Variants in HNF1B observed in about 807,000 individuals in gnomAD.
HNF1B encodes hepatocyte nuclear factor 1-beta.
A neutral mutation model predicts 61.7 loss-of-function variants in HNF1B; 8 were observed. The ratio of observed to expected loss-of-function variants is 0.13; its 90% CI spans 0.08 to 0.23. The LOEUF is 0.23. Among genes scored for constraint, HNF1B ranks in the 10% least tolerant of loss-of-function variants. The pLI is 1.00. For missense variants in HNF1B, 562 were observed against 714.5 expected (o/e 0.79, Z 2.43); for synonymous variants, 314 against 287.7 (o/e 1.09, Z -0.93).
At chr17:37,743,303 C>T (rs1293545083) in intron 1 of HNF1B, among the ~76,000 whole-genome samples, 1 of 152,254 alleles carries the variant, frequency 6.6e-6, no homozygotes, top group Non-Finnish European at 1.5e-5. Flanking sequence ...GCCTCCGCGA[C>T]TCACACCTTC....
intron 1 of HNF1B, among the ~76,000 whole-genome samples, chr17:37,740,857 G>A (rs1396447286): frequency 1.3e-5 from 2 of 152,112 alleles, no homozygotes; most frequent in East Asian, 3.8e-4. Flanking sequence ...AATTTTATTT[G>A]TCTAGAATGG....
chr17:37,721,334 G>C (rs1014667281), intron 4 of HNF1B, among the ~76,000 whole-genome samples: 1 of 152,186 alleles, frequency 6.6e-6, no homozygotes, highest in Non-Finnish European at 1.5e-5. Context: ...GAGTGAGGGA[G>C]AGAAGGAGAG....
In HNF1B at chr17:37,694,813, A is replaced by G. The variant is rs981466617; in HGVS notation, c.1653+4263T>C. ...AGAAGACATTTCTAAGCGGTAAAAC[A>G]TTCATGATGTGGCCTGGCTGCTTCT... On this transcript the variant is annotated intron_variant, in intron 8 of 8. Transcript: ENST00000617811. Among the ~76,000 whole-genome samples the G allele has an allele frequency of 7.2e-5, 11 of 152,186 alleles. No individual in the cohort carries two copies. In the East Asian group the frequency reaches 2.1e-3, roughly 29 times the overall value.
At chr17:37,700,923 A>G in intron 7 of HNF1B, 60 bp downstream of exon 7, 5 of 1,465,746 alleles carry the variant, frequency 3.4e-6, no homozygotes, top group Non-Finnish European at 4.6e-6. Context: ...CCAGAGAGGG[A>G]AAGTGGTTGG....
chr17:37,717,102 A>G (rs1462341464), intron 4 of HNF1B, among the ~76,000 whole-genome samples: 11 of 152,256 alleles, frequency 7.2e-5, no homozygotes, highest in African/African-American at 2.4e-4. Context: ...GAAATGAGGA[A>G]AGTGGGGATT....
chr17:37,738,880 G>T (rs190336900), intron 2 of HNF1B, among the ~76,000 whole-genome samples: 115 of 152,300 alleles, frequency 7.6e-4, no homozygotes, highest in Non-Finnish European at 1.3e-3. Context: ...TACCAGTGTT[G>T]GTAAATGTGG....
intron 4 of HNF1B, among the ~76,000 whole-genome samples, chr17:37,723,328 T>C (rs539327407): frequency 4.0e-5 from 6 of 151,158 alleles, no homozygotes; most frequent in East Asian, 2.0e-4. Flanking sequence ...GCCTGGGAGA[T>C]AGCGAGACTC....
chr17:37,742,666 C>T (rs2034030188), intron 1 of HNF1B, among the ~76,000 whole-genome samples: 1 of 152,096 alleles, frequency 6.6e-6, no homozygotes, highest in Admixed American at 6.5e-5. Context: ...AGTCCCTCTC[C>T]CTGCCCTGCT....
intron 6 of HNF1B, among the ~76,000 whole-genome samples, chr17:37,703,796 G>A (rs889229245): frequency 1.3e-5 from 2 of 152,290 alleles, no homozygotes; most frequent in Non-Finnish European, 2.9e-5. Context: ...ATAAATTTGT[G>A]TGCCTCCAAT....
intron 4 of HNF1B, among the ~76,000 whole-genome samples, chr17:37,713,931 T>C (rs1260744210): frequency 6.6e-6 from 1 of 152,210 alleles, no homozygotes; most frequent in Non-Finnish European, 1.5e-5. Context: ...GTGCTCTTGT[T>C]AGAGGAAGGA....
intron 3 of HNF1B, among the ~76,000 whole-genome samples, chr17:37,733,029 G>A (rs7405776): frequency 0.4 from 60,314 of 151,662 alleles, 12,591 homozygotes; most frequent in African/African-American, 0.51. Flanking sequence ...GGGGCAGAGT[G>A]GACTGAACAG....
At chr17:37,727,709 C>T (rs2147528741) in intron 4 of HNF1B, among the ~76,000 whole-genome samples, 1 of 152,276 alleles carries the variant, frequency 6.6e-6, no homozygotes, top group South Asian at 2.1e-4. Context: ...ACTAGGGTCA[C>T]ACCGTGGTCA....
chr17:37,727,675 C>T (rs1361275014), intron 4 of HNF1B, among the ~76,000 whole-genome samples: 1 of 152,278 alleles, frequency 6.6e-6, no homozygotes, highest in East Asian at 1.9e-4. Context: ...CTCCTGCCAC[C>T]CCTATTGTGC....
chr17:37,707,685 C>T (rs1005119612), intron 5 of HNF1B, among the ~76,000 whole-genome samples: 3 of 151,944 alleles, frequency 2.0e-5, no homozygotes, highest in South Asian at 4.2e-4. Context: ...GGCTATCTAC[C>T]GCCACAGCCT....
At chr17:37,742,538 T>G (rs562144069) in intron 1 of HNF1B, among the ~76,000 whole-genome samples, 7 of 152,112 alleles carry the variant, frequency 4.6e-5, no homozygotes, top group Non-Finnish European at 8.8e-5. Flanking sequence ...AAAATTACTT[T>G]AATCAAGTCC....
Position 37,686,927 on chromosome 17 carries a change from T to A in HNF1B, c.*445A>T. ...TTCTTTAAAAGAAATCTCAAGATCA[T>A]TTGGGATGGGGGCAGGGGAGGGAGT... is the stretch of plus-strand genomic sequence containing the variant. On this transcript the variant is annotated 3_prime_UTR_variant, in exon 9 of 9. Coordinates refer to ENST00000617811, the MANE Select transcript of HNF1B (RefSeq NM_000458.4). 1 of 341,534 alleles carries A rather than the reference T, an allele frequency of 2.9e-6. No homozygotes were observed. Among genetic ancestry groups the A allele is most frequent in the Non-Finnish European group, 5.6e-6 (1 of 178,612 alleles). 21.2% of individuals were successfully genotyped at this position (341,534 alleles called of 1,614,324 possible). A position where few individuals can be genotyped will look rare whatever the true frequency, so the allele number is the denominator to read the frequency against.
intron 4 of HNF1B, among the ~76,000 whole-genome samples, chr17:37,716,443 C>G (rs1013237699): frequency 3.3e-5 from 5 of 152,176 alleles, no homozygotes; most frequent in Non-Finnish European, 5.9e-5. Context: ...AAGTGATCCG[C>G]CCGCCTCAGC....
chr17:37,688,501 A>G (rs1048103272), intron 8 of HNF1B, among the ~76,000 whole-genome samples: 4 of 151,998 alleles, frequency 2.6e-5, no homozygotes, highest in Non-Finnish European at 5.9e-5. Flanking sequence ...TGAGGATACC[A>G]TTATGTCTAT....
chr17:37,723,432 T>C (rs900010473), intron 4 of HNF1B, among the ~76,000 whole-genome samples: 1 of 152,196 alleles, frequency 6.6e-6, no homozygotes, highest in Non-Finnish European at 1.5e-5. Context: ...ATGAACATCA[T>C]GAACCTGACC....
Sources: gnomAD v4.1 joint callset for allele counts (sites outside exome capture counted in the v4.1 genomes callset) on GRCh38, gnomAD v4.1.1 for gene constraint, MANE v1.5 for transcripts, NCBI Gene and HGNC (gene_info 2026-07-23, HGNC 2026-07-21) for gene names.